NCOA3: variants seen among roughly 807,000 people sequenced by gnomAD.
NCOA3 encodes nuclear receptor coactivator 3.
A neutral mutation model predicts 158.8 loss-of-function variants in NCOA3; 51 were observed. That is an observed-to-expected ratio of 0.32 (90% confidence interval 0.26 to 0.41). The LOEUF is 0.41. Ranked by LOEUF, NCOA3 falls within the 10% of genes least tolerant of loss-of-function variation. The probability of loss-of-function intolerance (pLI) is 1.00; values close to 1 mark genes in which losing one functional copy is unlikely to be tolerated. For missense variants in NCOA3, 1,510 were observed against 1,746.6 expected, an observed-to-expected ratio of 0.86 and a Z score of 2.41; for synonymous variants, 537 against 592.4, an observed-to-expected ratio of 0.91 and a Z score of 1.36.
intron 22 of NCOA3, 42 bp downstream of exon 22, chr20:47,653,114 G>C: frequency 5.0e-6 from 8 of 1,607,324 alleles, no homozygotes; most frequent in Non-Finnish European, 6.8e-6. Flanking sequence ...AGTTTTTCTT[G>C]TTCTCTGGAT....
At chr20:47,524,752 A>G (rs1015147453) in intron 1 of NCOA3, among the ~76,000 whole-genome samples, 4 of 151,782 alleles carry the variant, frequency 2.6e-5, no homozygotes, top group South Asian at 2.1e-4. Flanking sequence ...CCATATATAT[A>G]TATTTTTTGA....
chr20:47,645,802 TG>T (rs1164947969), intron 17 of NCOA3, among the ~76,000 whole-genome samples: 1 of 152,140 alleles, frequency 6.6e-6, no homozygotes, highest in African/African-American at 2.4e-5. Flanking sequence ...CCCAAGTTGA[TG>T]GGACAAAATA....
chr20:47,653,042 C>G lies in NCOA3; in HGVS notation c.4233C>G (p.Pro1411=). ...HMGQMNMNPM[P]MSGMPMGPDQ... ...GACAGATGAACATGAACCCCATGCC[C>G]ATGTCTGGCATGCCTATGGGTCCTG... Residue 1411 remains proline (P), a synonymous_variant, in exon 22 of 23, where the codon CCC becomes CCG. Transcript: ENST00000371998. 6.2e-7 allele frequency: 1 copy of G among 1,614,174 alleles called. No homozygotes were observed.
chr20:47,603,212 T>C (rs151190944), intron 2 of NCOA3, among the ~76,000 whole-genome samples: 3 of 152,382 alleles, frequency 2.0e-5, no homozygotes, highest in African/African-American at 7.2e-5. Context: ...AAGAGACATC[T>C]CTTAAATTCT....
At chr20:47,523,167 TAGA>T (rs1311629481) in intron 1 of NCOA3, among the ~76,000 whole-genome samples, 8 of 152,088 alleles carry the variant, frequency 5.3e-5, no homozygotes, top group Non-Finnish European at 1.2e-4. Context: ...GGCTGGGCGA[TAGA>T]GCGAGCCTCC....
intron 2 of NCOA3, among the ~76,000 whole-genome samples, chr20:47,596,481 CG>C (rs916579092): frequency 1.3e-5 from 2 of 152,038 alleles, no homozygotes; most frequent in African/African-American, 4.8e-5. Flanking sequence ...TTTTGTATCT[CG>C]TTTAAAATAT....
At chr20:47,582,930 G>A (rs182974764) in intron 1 of NCOA3, among the ~76,000 whole-genome samples, 2 of 152,288 alleles carry the variant, frequency 1.3e-5, no homozygotes, top group African/African-American at 2.4e-5. Flanking sequence ...GAGTAGTTGG[G>A]ATTACAGGCG....
At chr20:47,526,829 G>C (rs2084461968) in intron 1 of NCOA3, among the ~76,000 whole-genome samples, 1 of 152,148 alleles carries the variant, frequency 6.6e-6, no homozygotes, top group Non-Finnish European at 1.5e-5. Flanking sequence ...TTTTAGTAGA[G>C]ATAGGGCTTT....
chr20:47,507,116 C>T (rs750831500), intron 1 of NCOA3, among the ~76,000 whole-genome samples: 47 of 152,138 alleles, frequency 3.1e-4, no homozygotes, highest in Non-Finnish European at 5.0e-4. Flanking sequence ...GCATAATCCT[C>T]AATTAGGATA....
intron 2 of NCOA3, among the ~76,000 whole-genome samples, chr20:47,609,687 C>CCACT (rs201138929): frequency 0.044 from 6,700 of 151,494 alleles, 438 homozygotes; most frequent in African/African-American, 0.14. Context: ...CGAGATTGCA[C>CCACT]CACTGCACTC....
intron 2 of NCOA3, among the ~76,000 whole-genome samples, chr20:47,620,801 C>G (rs2086228649): frequency 1.3e-5 from 2 of 152,088 alleles, no homozygotes; most frequent in South Asian, 4.1e-4. Context: ...TCAGTTGATC[C>G]AATAATATTC....
intron 1 of NCOA3, among the ~76,000 whole-genome samples, chr20:47,530,871 A>G (rs1462193741): frequency 1.3e-5 from 2 of 152,230 alleles, no homozygotes; most frequent in Non-Finnish European, 2.9e-5. Flanking sequence ...TTTAAAGGCA[A>G]ACAAGGTGTT....
intron 14 of NCOA3, 124 bp from the exon 15 acceptor site, chr20:47,639,453 T>G: frequency 7.4e-7 from 1 of 1,352,006 alleles, no homozygotes; most frequent in Non-Finnish European, 1.0e-6. Flanking sequence ...GGCCAGCCCT[T>G]TTCTTACCAT....
At chr20:47,574,416 A>C (rs1376614409) in intron 1 of NCOA3, among the ~76,000 whole-genome samples, 2 of 152,052 alleles carry the variant, frequency 1.3e-5, no homozygotes, top group Non-Finnish European at 2.9e-5. Context: ...CCTAGCATGC[A>C]TTGTAACTAC....
In NCOA3 at chr20:47,620,183, AC is replaced by A; in HGVS notation, c.-19-2045del. Reference sequence around the variant, plus strand: ...TCTGGAGTGCATTGGCGTGATCATAACTCACTGCAGCCTCAAACTCCTCAAA... The same window carrying A: ...TCTGGAGTGCATTGGCGTGATCATAATCACTGCAGCCTCAAACTCCTCAAA... On this transcript the variant is annotated intron_variant, in intron 2 of 22. Coordinates refer to ENST00000371998, the MANE Select transcript of NCOA3 (RefSeq NM_181659.3). 5.3e-5 allele frequency among the ~76,000 whole-genome samples: 8 copies of A among 152,240 alleles called. 2 individuals are homozygous for A. The highest frequency in any genetic ancestry group is 1.9e-4 in the African/African-American group (8 of 41,544).
chr20:47,540,595 A>G (rs1003845621), intron 1 of NCOA3, among the ~76,000 whole-genome samples: 1 of 151,530 alleles, frequency 6.6e-6, no homozygotes, highest in Non-Finnish European at 1.5e-5. Context: ...AAAAATTCAA[A>G]TATCTTTGTA....
intron 2 of NCOA3, among the ~76,000 whole-genome samples, chr20:47,609,826 T>G (rs2086015527): frequency 6.6e-6 from 1 of 152,218 alleles, no homozygotes; most frequent in Non-Finnish European, 1.5e-5. Flanking sequence ...TTTTTATTTT[T>G]TAATGTTGTA....
At chr20:47,650,909 T>TG in intron 19 of NCOA3, 73 bp from the exon 20 acceptor site, 3 of 1,379,280 alleles carry the variant, frequency 2.2e-6, no homozygotes, top group Non-Finnish European at 2.0e-6. Flanking sequence ...TGGTGTATTG[T>TG]GGGGGTACTA....
chr20:47,532,220 G>A (rs183740893), intron 1 of NCOA3, among the ~76,000 whole-genome samples: 1 of 151,894 alleles, frequency 6.6e-6, no homozygotes, highest in Non-Finnish European at 1.5e-5. Context: ...AAGTAAGTAA[G>A]CCCTGAGAAT....
Sources: allele counts gnomAD v4.1 joint callset (sites outside exome capture counted in the v4.1 genomes callset), GRCh38; gene constraint gnomAD v4.1.1; transcripts MANE v1.5; gene names NCBI Gene and HGNC (gene_info 2026-07-23, HGNC 2026-07-21).